Variants in KIAA1549L observed in about 807,000 individuals in gnomAD.
KIAA1549L encodes KIAA1549 like.
Under a neutral mutation model 160.7 loss-of-function variants are expected in KIAA1549L, and 88 were observed. The ratio of observed to expected loss-of-function variants is 0.55; its 90% CI spans 0.46 to 0.65. The LOEUF is 0.65. Ranked by LOEUF, KIAA1549L falls within the 30% of genes least tolerant of loss-of-function variation. KIAA1549L has a pLI of 0.00. For synonymous variants in KIAA1549L, 950 were observed against 976.7 expected (o/e 0.97, Z 0.51); for missense variants, 2,258 against 2,437.5 (o/e 0.93, Z 1.55).
intron 1 of KIAA1549L, among the ~76,000 whole-genome samples, chr11:33,387,292 TTC>T (rs1850192002): frequency 6.6e-6 from 1 of 152,176 alleles, no homozygotes; most frequent in South Asian, 2.1e-4. Flanking sequence ...CATTTTCTCA[TTC>T]TCTCTCTCTT....
intron 1 of KIAA1549L, among the ~76,000 whole-genome samples, chr11:33,438,558 C>T: frequency 6.6e-6 from 1 of 152,222 alleles, no homozygotes; most frequent in Non-Finnish European, 1.5e-5. Flanking sequence ...TGCTGGCCAG[C>T]AATCCCCGGC....
intron 1 of KIAA1549L, among the ~76,000 whole-genome samples, chr11:33,377,130 G>GC (rs1849971818): frequency 6.6e-6 from 1 of 152,166 alleles, no homozygotes; most frequent in Non-Finnish European, 1.5e-5. Context: ...TAGTGGTCCC[G>GC]CAGGCACGCT....
intron 1 of KIAA1549L, among the ~76,000 whole-genome samples, chr11:33,399,499 C>T (rs1850454678): frequency 6.6e-6 from 1 of 152,294 alleles, no homozygotes; most frequent in African/African-American, 2.4e-5. Flanking sequence ...AGTCCCCAAG[C>T]TTTCCTGGTG....
chr11:33,529,476 C>T (rs1269562234), intron 1 of KIAA1549L, among the ~76,000 whole-genome samples: 1 of 152,202 alleles, frequency 6.6e-6, no homozygotes, highest in Non-Finnish European at 1.5e-5. Flanking sequence ...GTTCCAAATA[C>T]TCTTAAAGGA....
At chr11:33,596,030 G>C (rs1850189793) in intron 12 of KIAA1549L, among the ~76,000 whole-genome samples, 1 of 152,118 alleles carries the variant, frequency 6.6e-6, no homozygotes. Flanking sequence ...TGTTTGCAAA[G>C]GGCACTTCAG....
chr11:33,532,463 C>A (rs79310264), intron 1 of KIAA1549L, among the ~76,000 whole-genome samples: 2 of 152,308 alleles, frequency 1.3e-5, no homozygotes, highest in East Asian at 3.9e-4. Flanking sequence ...AAGGACTTTA[C>A]GCGTATCAGC....
intron 19 of KIAA1549L, 148 bp downstream of exon 19, chr11:33,659,046 C>G (rs1226449889): frequency 3.4e-6 from 3 of 871,338 alleles, no homozygotes; most frequent in Non-Finnish European, 5.0e-6. Context: ...ACTTCAGGAG[C>G]CCCAACTAAA....
At chr11:33,493,717 C>T (rs763502952) in intron 1 of KIAA1549L, among the ~76,000 whole-genome samples, 5 of 152,244 alleles carry the variant, frequency 3.3e-5, no homozygotes, top group Non-Finnish European at 5.9e-5. Context: ...TTTTGGGGAA[C>T]TACCTCTTCC....
At chr11:33,633,212 TG>T (rs1851350300) in intron 16 of KIAA1549L, among the ~76,000 whole-genome samples, 2 of 134,678 alleles carry the variant, frequency 1.5e-5, no homozygotes, top group Admixed American at 1.7e-4. Context: ...TTGGCCAGGC[TG>T]GTCTTGAACT....
chr11:33,595,106 C>T (rs1850163355), intron 12 of KIAA1549L, among the ~76,000 whole-genome samples: 1 of 152,086 alleles, frequency 6.6e-6, no homozygotes, highest in African/African-American at 2.4e-5. Context: ...CTTGGATTAG[C>T]AAGGAATCTA....
chr11:33,376,784 G>A lies in KIAA1549L; in HGVS notation c.133G>A (p.Gly45Ser), dbSNP rs893358847. 3.3e-5 allele frequency: 5 copies of A among 151,824 alleles called. No individual in the cohort carries two copies. The highest frequency in any genetic ancestry group is 3.3e-4 in the Admixed American group (5 of 15,236). The allele number at this position is 151,824 out of a possible 1,614,324, so 9.4% of individuals were successfully genotyped here. Reference protein sequence around the residue: ...WGAARCTGVRGPGAGASHDAP... With the variant: ...WGAARCTGVRSPGAGASHDAP... Reference sequence around the variant, plus strand: ...AGCCGCGCGCTGCACGGGTGTGAGGGGCCCCGGGGCCGGCGCGTCCCACGA... The same window carrying A: ...AGCCGCGCGCTGCACGGGTGTGAGGAGCCCCGGGGCCGGCGCGTCCCACGA... Residue 45 changes from glycine to serine, a missense_variant, in exon 1 of 21, where the codon GGC becomes AGC. Physicochemically the swap from Gly to Ser is moderately conservative, Grantham distance 56 (BLOSUM62 0). This residue lies in a region of KIAA1549L where 540 missense variants were observed against 465.7 expected (regional missense o/e 1.16). Coordinates refer to ENST00000658780, the MANE Select transcript of KIAA1549L (RefSeq NM_012194.3). The surrounding 1 kb of genome is among the most constrained non-coding windows in gnomAD (Gnocchi z 5.8).
At chr11:33,434,078 C>T (rs1242102521) in intron 1 of KIAA1549L, among the ~76,000 whole-genome samples, 2 of 147,428 alleles carry the variant, frequency 1.4e-5, no homozygotes, top group African/African-American at 2.5e-5. Flanking sequence ...TAAAGCCCCC[C>T]CCGCCACCAA....
In KIAA1549L at chr11:33,551,193, C is replaced by A. The variant is rs748819625; in HGVS notation, c.3655C>A (p.Gln1219Lys). 1.2e-6 allele frequency: 2 copies of A among 1,613,940 alleles called. No individual in the cohort carries two copies. Among genetic ancestry groups the A allele is most frequent in the Non-Finnish European group, 1.7e-6 (2 of 1,179,870 alleles). ...ADLKQHTPHL[Q>K]SVAVLASPWN... ...CCTGAAGCAACACACCCCACACTTA[C>A]AGTCTGTGGCAGTACTTGCCTCCCC... The change falls in exon 5 of 21, where the codon CAG becomes AAG. Residue 1219 changes from glutamine (Q) to lysine (K), a missense_variant. By Grantham distance (53) the Gln-to-Lys change is moderately conservative (BLOSUM62 1). Around this residue, in one of 6 missense-constraint regions of KIAA1549L, gnomAD observed 1,359 missense variants for 1,546.6 expected, o/e 0.88. Coordinates refer to ENST00000658780, the MANE Select transcript of KIAA1549L (RefSeq NM_012194.3).
At chr11:33,402,728 C>G (rs1023038890) in intron 1 of KIAA1549L, among the ~76,000 whole-genome samples, 2 of 152,162 alleles carry the variant, frequency 1.3e-5, no homozygotes, top group African/African-American at 4.8e-5. Context: ...TGAATTCCCC[C>G]GTGGGAGCAG....
chr11:33,588,528 G>A (rs1039933626), intron 11 of KIAA1549L, among the ~76,000 whole-genome samples: 16 of 152,200 alleles, frequency 1.1e-4, no homozygotes, highest in East Asian at 1.9e-4. Flanking sequence ...CAACGAGACC[G>A]AGGCAGGAAA....
At chr11:33,471,453 A>G (rs1487346227) in intron 1 of KIAA1549L, among the ~76,000 whole-genome samples, 2 of 152,168 alleles carry the variant, frequency 1.3e-5, no homozygotes, top group African/African-American at 4.8e-5. Flanking sequence ...AGGGCATAGC[A>G]TTCTTCCATC....
chr11:33,647,989 T>C (rs1166231428), intron 17 of KIAA1549L, among the ~76,000 whole-genome samples: 1 of 151,998 alleles, frequency 6.6e-6, no homozygotes, highest in Admixed American at 6.5e-5. Flanking sequence ...ACTAACCTTT[T>C]CTTTTCTTTT....
At chr11:33,419,150 G>A (rs1397355291) in intron 1 of KIAA1549L, among the ~76,000 whole-genome samples, 1 of 152,148 alleles carries the variant, frequency 6.6e-6, no homozygotes, top group African/African-American at 2.4e-5. Flanking sequence ...TGGGATTACA[G>A]GCATGAGCCA....
intron 16 of KIAA1549L, among the ~76,000 whole-genome samples, chr11:33,632,573 T>C (rs1851326849): frequency 6.6e-6 from 1 of 151,910 alleles, no homozygotes; most frequent in Admixed American, 6.6e-5. Flanking sequence ...TGAGGAACAC[T>C]TGTAGTTGGA....
Sources: gnomAD v4.1 joint callset for allele counts (sites outside exome capture counted in the v4.1 genomes callset) on GRCh38, gnomAD v4.1.1 for gene constraint, gnomAD v4.1.1 regional missense constraint, Gnocchi (gnomAD v3.1) non-coding constraint, MANE v1.5 for transcripts, NCBI Gene and HGNC (gene_info 2026-07-23, HGNC 2026-07-21) for gene names.